Variants in UBASH3B observed in about 807,000 individuals in gnomAD.
UBASH3B encodes the protein ubiquitin associated and SH3 domain containing B.
A neutral mutation model predicts 83.4 loss-of-function variants in UBASH3B; 37 were observed. That is an observed-to-expected ratio of 0.44 (90% CI 0.34 to 0.58). The LOEUF (loss-of-function observed/expected upper bound fraction) is 0.58. Among genes scored for constraint, UBASH3B ranks in the 20% least tolerant of loss-of-function variants. The pLI, the probability that UBASH3B is intolerant of heterozygous loss-of-function variation, is 0.01. For missense variants in UBASH3B, 657 were observed against 827.2 expected (o/e 0.79, Z 2.52); for synonymous variants, 304 against 318.3 (o/e 0.96, Z 0.48).
At chr11:122,781,145 G>T (rs1191942246) in intron 4 of UBASH3B, among the ~76,000 whole-genome samples, 1 of 152,118 alleles carries the variant, frequency 6.6e-6, no homozygotes, top group Admixed American at 6.5e-5. Context: ...TACCTGGGGA[G>T]GGGTCCTCTT....
intron 1 of UBASH3B, among the ~76,000 whole-genome samples, chr11:122,718,342 C>T (rs925779250): frequency 7.2e-5 from 11 of 152,288 alleles, no homozygotes; most frequent in East Asian, 1.9e-4. Flanking sequence ...AGAGCCCTGG[C>T]GCCTCAGATT....
chr11:122,657,906 G>C (rs983841296), intron 1 of UBASH3B, among the ~76,000 whole-genome samples: 2 of 152,084 alleles, frequency 1.3e-5, no homozygotes, highest in Non-Finnish European at 2.9e-5. Context: ...AAAACTGGAG[G>C]TGGGGCTGGG....
chr11:122,735,188 T>C (rs1860912623), intron 1 of UBASH3B, among the ~76,000 whole-genome samples: 1 of 152,194 alleles, frequency 6.6e-6, no homozygotes, highest in Non-Finnish European at 1.5e-5. Context: ...ACATGGATAA[T>C]ACCCAATAGC....
intron 1 of UBASH3B, among the ~76,000 whole-genome samples, chr11:122,699,859 C>T (rs940422788): frequency 1.3e-5 from 2 of 152,160 alleles, no homozygotes. Flanking sequence ...GCTGGGATTA[C>T]AGGCATGAGT....
chr11:122,715,122 T>A (rs1052223389), intron 1 of UBASH3B, among the ~76,000 whole-genome samples: 12 of 152,194 alleles, frequency 7.9e-5, no homozygotes, highest in Admixed American at 6.5e-5. Context: ...ATTTTTTGTA[T>A]TTTTAGTAGA....
Position 122,801,197 on chromosome 11 carries a change from A to G in UBASH3B, c.1460A>G (p.Gln487Arg). 1.9e-6 allele frequency: 3 copies of G among 1,614,214 alleles called. No individual in the cohort carries two copies. Among genetic ancestry groups the G allele is most frequent in the Non-Finnish European group, 2.5e-6 (3 of 1,180,020 alleles). ...TAHNILKGLQ[Q>R]ENHLKIRVEP... ...GTATTTTACCCCTAAGGTTTACAAC[A>G]AGAAAATCACTTGAAGATCCGTGTA... Residue 487 changes from glutamine (Q) to arginine (R), a missense_variant, in exon 11 of 14, where the codon CAA becomes CGA. By Grantham distance (43) the Gln-to-Arg change is conservative. This residue lies in a region of UBASH3B where 573 missense variants were observed against 739.0 expected (regional missense o/e 0.78). Coordinates refer to ENST00000284273, the MANE Select transcript of UBASH3B (RefSeq NM_032873.5).
chr11:122,662,972 C>CATTTTTT (rs1863465698), intron 1 of UBASH3B, among the ~76,000 whole-genome samples: 1 of 110,596 alleles, frequency 9.0e-6, no homozygotes, highest in Admixed American at 9.9e-5. Flanking sequence ...GCGCTAATGT[C>CATTTTTT]TTTTTTTTTT....
intron 1 of UBASH3B, among the ~76,000 whole-genome samples, chr11:122,659,129 C>T (rs1343795082): frequency 6.6e-6 from 1 of 152,130 alleles, no homozygotes; most frequent in Admixed American, 6.6e-5. Flanking sequence ...TGTGGTTGTA[C>T]TTAGGGCCCA....
At chr11:122,666,043 A>G (rs1156550783) in intron 1 of UBASH3B, among the ~76,000 whole-genome samples, 1 of 152,196 alleles carries the variant, frequency 6.6e-6, no homozygotes, top group Non-Finnish European at 1.5e-5. Flanking sequence ...GCAGAGTGGG[A>G]AGCTGAAAGA....
chr11:122,685,621 A>T (rs1298630237), intron 1 of UBASH3B, among the ~76,000 whole-genome samples: 1 of 152,042 alleles, frequency 6.6e-6, no homozygotes, highest in South Asian at 2.1e-4. Context: ...GGTTCCAGCG[A>T]TTCTCCTGCC....
At chr11:122,728,201 G>A (rs895224808) in intron 1 of UBASH3B, among the ~76,000 whole-genome samples, 2 of 152,290 alleles carry the variant, frequency 1.3e-5, no homozygotes, top group South Asian at 4.2e-4. Flanking sequence ...TGTCCTCCAT[G>A]AGGATGCAGA....
chr11:122,663,827 G>A (rs1469710713), intron 1 of UBASH3B, among the ~76,000 whole-genome samples: 1 of 152,242 alleles, frequency 6.6e-6, no homozygotes, highest in Non-Finnish European at 1.5e-5. Context: ...CCTTGGGCAA[G>A]TTGCTGAACA....
intron 1 of UBASH3B, among the ~76,000 whole-genome samples, chr11:122,746,446 G>T (rs540627554): frequency 1.3e-5 from 2 of 152,158 alleles, no homozygotes; most frequent in African/African-American, 4.8e-5. Context: ...TGGTGCCTCC[G>T]GGTGATTAAG....
chr11:122,767,095 T>C (rs576738086), intron 1 of UBASH3B, among the ~76,000 whole-genome samples: 20 of 152,074 alleles, frequency 1.3e-4, no homozygotes, highest in Admixed American at 3.9e-4. Flanking sequence ...CTGACCAACA[T>C]GGTGAAACCG....
intron 1 of UBASH3B, among the ~76,000 whole-genome samples, chr11:122,667,271 T>C (rs1440591014): frequency 6.6e-6 from 1 of 151,932 alleles, no homozygotes; most frequent in Non-Finnish European, 1.5e-5. Context: ...GGTCTCAAAC[T>C]CCTGACCTCA....
rs191742731 is a variant in UBASH3B at position 122,704,112 on chromosome 11, T to C, written c.161+47902T>C. Among the ~76,000 whole-genome samples the C allele has an allele frequency of 4.9e-3, 751 of 152,354 alleles. 1 individual carries two copies. The highest frequency in any genetic ancestry group is 0.015 in the African/African-American group (641 of 41,586). On this transcript the variant is annotated intron_variant, in intron 1 of 13. Coordinates refer to ENST00000284273, the MANE Select transcript of UBASH3B (RefSeq NM_032873.5). ...AAGTTTTGCCAAAGGCAGCAAGTGC[T>C]TTATAAGCTGAATGGGCAACTTACA...
At chr11:122,767,404 T>C (rs1860565918) in intron 1 of UBASH3B, among the ~76,000 whole-genome samples, 1 of 152,140 alleles carries the variant, frequency 6.6e-6, no homozygotes, top group Admixed American at 6.5e-5. Context: ...TCTGTCTCTC[T>C]GGTTCAAGCA....
Position 122,705,454 on chromosome 11 carries a change from T to TA in UBASH3B, c.161+49261dup, listed in dbSNP as rs60998227. On this transcript the variant is annotated intron_variant, in intron 1 of 13. Transcript: ENST00000284273. ...GAGCCAGACTCTGTCTCGAAAAACATAAAAAAAAAAAAAAAAAGAAAAAAA... is the reference window on the plus strand; with the variant it reads ...GAGCCAGACTCTGTCTCGAAAAACATAAAAAAAAAAAAAAAAAAGAAAAAAA... Among the ~76,000 whole-genome samples, 544 of 59,542 alleles carry TA rather than the reference T, an allele frequency of 9.1e-3. 1 individual carries two copies. Among genetic ancestry groups the TA allele is most frequent in the Middle Eastern group, 0.016 (1 of 64 alleles). The allele number at this position is 59,542 out of a possible 152,430, so 39.1% of individuals were successfully genotyped here. A position where few individuals can be genotyped will look rare whatever the true frequency, so the allele number is the denominator to read the frequency against.
intron 1 of UBASH3B, among the ~76,000 whole-genome samples, chr11:122,753,741 T>G (rs1431158040): frequency 6.6e-6 from 1 of 151,944 alleles, no homozygotes; most frequent in Non-Finnish European, 1.5e-5. Flanking sequence ...ATGATCCACC[T>G]GCCTCGGCCT....
Sources: allele counts gnomAD v4.1 joint callset (sites outside exome capture counted in the v4.1 genomes callset), GRCh38; gene constraint gnomAD v4.1.1; regional missense constraint gnomAD v4.1.1; transcripts MANE v1.5; gene names NCBI Gene and HGNC (gene_info 2026-07-23, HGNC 2026-07-21).